The following SNX14 variants were observed in gnomAD, a reference collection of about 807,000 sequenced individuals.
SNX14 encodes the protein sorting nexin-14.
In SNX14, 93 loss-of-function variants were observed where a neutral mutation model predicts 133.8. The observed-to-expected ratio is 0.70, with a 90% confidence interval of 0.59 to 0.83. The LOEUF is 0.83. SNX14 is among the 40% of genes least tolerant of loss of function. The probability of loss-of-function intolerance (pLI) is 0.00; values close to 1 mark genes in which losing one functional copy is unlikely to be tolerated. For missense variants in SNX14, 945 were observed against 1,094.9 expected, an observed-to-expected ratio of 0.86 and a Z score of 1.93; for synonymous variants, 368 against 365.6, an observed-to-expected ratio of 1.01 and a Z score of -0.07.
In SNX14 at chr6:85,558,011, T is replaced by C. The variant is rs2128135958; in HGVS notation, c.599A>G (p.Lys200Arg). The change falls in exon 7 of 29, where the codon AAG (lysine) becomes AGG (arginine). Residue 200 changes from lysine (K) to arginine (R), a missense_variant. Lys to Arg is a conservative substitution (Grantham distance 26). Transcript: ENST00000314673. ...ITKKLLKAAM[K>R]HIEVIVKARQ... ...GGCTTTAACTATCACTTCTATATGC[T>C]TCATTGCTGCTTTTAATAGTTTCTT... 2 of 1,595,932 alleles carry C rather than the reference T, an allele frequency of 1.3e-6. No individual in the cohort carries two copies. Among genetic ancestry groups the C allele is most frequent in the Non-Finnish European group, 1.7e-6 (2 of 1,166,122 alleles).
In SNX14 at chr6:85,548,374, G is replaced by A. The variant is rs756546175; in HGVS notation, c.794C>T (p.Ser265Phe). The A allele has an allele frequency of 6.3e-7, 1 of 1,584,792 alleles. No individual in the cohort carries two copies. The highest frequency in any genetic ancestry group is 1.2e-5 in the South Asian group (1 of 85,542). Residue 265 changes from serine (S) to phenylalanine (F), a missense_variant and splice_region_variant, in exon 9 of 29, where the codon TCT becomes TTT. Transcript: ENST00000314673. ...ILPPKATDCR[S>F]LTLLIREILS... is the part of the protein sequence containing the mutation. ...AATCTCTCTTATAAGTAAGGTCAGA[G>A]ATCTGGAAAAAGAAATAATAATAAT...
intron 26 of SNX14, among the ~76,000 whole-genome samples, chr6:85,512,244 C>T (rs561402652): frequency 1.3e-5 from 2 of 152,240 alleles, no homozygotes; most frequent in African/African-American, 4.8e-5. Context: ...CCCTTCTGGC[C>T]CCCTTGCCAG....
chr6:85,525,247 A>T (rs896525168), intron 21 of SNX14, among the ~76,000 whole-genome samples: 13 of 152,156 alleles, frequency 8.5e-5, no homozygotes, highest in Non-Finnish European at 1.3e-4. Flanking sequence ...TTAATATTTT[A>T]AAAAATAGAC....
chr6:85,536,846 TG>T lies in SNX14; in HGVS notation c.1553del (p.Thr518LysfsTer12). 6.2e-7 allele frequency: 1 copy of T among 1,613,512 alleles called. No individual in the cohort carries two copies. Among genetic ancestry groups the T allele is most frequent in the East Asian group, 2.2e-5 (1 of 44,744 alleles). The part of the protein sequence containing the change: ...SKIKGVFKST[T>X]MEGAMLPNYG... The stretch of plus-strand genomic sequence containing the variant: ...AATTAGGCAACATAGCTCCCTCCAT[TG>T]TGGTACTTTTGAATACTCCTTTAAT... On this transcript the variant is annotated frameshift_variant, in exon 17 of 29. Transcript: ENST00000314673. LOFTEE classifies it high-confidence loss of function.
chr6:85,579,292 T>G (rs1798319978), intron 1 of SNX14, among the ~76,000 whole-genome samples: 1 of 151,848 alleles, frequency 6.6e-6, no homozygotes, highest in Non-Finnish European at 1.5e-5. Flanking sequence ...ATAACTGAAA[T>G]GACAGCCAAG....
In SNX14 at chr6:85,587,658, C is replaced by T. The variant is rs931920320; in HGVS notation, c.140+5921G>A. Among the ~76,000 whole-genome samples the T allele has an allele frequency of 2.0e-5, 3 of 151,610 alleles. No homozygotes were observed. In the East Asian group the frequency reaches 5.9e-4, roughly 30 times the overall value. ...CTACTTGTTTGGAGAGACGGGGTTCCGCCATGTTGCCCAGGCTGGTCTCGA... is the reference window on the plus strand; with the variant it reads ...CTACTTGTTTGGAGAGACGGGGTTCTGCCATGTTGCCCAGGCTGGTCTCGA... On this transcript the variant is annotated intron_variant, in intron 1 of 28. Coordinates refer to ENST00000314673, the MANE Select transcript of SNX14 (RefSeq NM_153816.6).
intron 21 of SNX14, among the ~76,000 whole-genome samples, chr6:85,519,633 G>A (rs903953703): frequency 2.0e-5 from 3 of 152,214 alleles, no homozygotes; most frequent in Non-Finnish European, 4.4e-5. Flanking sequence ...CACTTTGGGA[G>A]GCCGAGGCGG....
intron 1 of SNX14, among the ~76,000 whole-genome samples, chr6:85,576,198 G>C (rs551609750): frequency 3.9e-5 from 6 of 151,968 alleles, no homozygotes; most frequent in African/African-American, 1.5e-4. Flanking sequence ...GGGACTGCCC[G>C]TATTATCTTA....
chr6:85,542,728 T>C (rs1238039711), intron 14 of SNX14, among the ~76,000 whole-genome samples: 1 of 152,016 alleles, frequency 6.6e-6, no homozygotes, highest in Non-Finnish European at 1.5e-5. Context: ...CTTAATTACA[T>C]AGCGAAAAAG....
intron 28 of SNX14, among the ~76,000 whole-genome samples, chr6:85,506,946 T>G (rs979559488): frequency 2.0e-5 from 3 of 152,164 alleles, no homozygotes; most frequent in African/African-American, 7.2e-5. Context: ...CCTATTCTAG[T>G]GCTAGGACTT....
At chr6:85,574,145 AAG>A in intron 2 of SNX14, 111 bp downstream of exon 2, 1 of 897,256 alleles carries the variant, frequency 1.1e-6, no homozygotes. Flanking sequence ...AAGAAATTGA[AAG>A]AAAACAAATT....
intron 26 of SNX14, among the ~76,000 whole-genome samples, chr6:85,511,390 A>G (rs150416477): frequency 1.3e-5 from 2 of 152,260 alleles, no homozygotes; most frequent in African/African-American, 4.8e-5. Flanking sequence ...CTTCCCAATC[A>G]CTATGCTCTT....
chr6:85,539,935 TTTTTATTTTATTTTATTTTA>T (rs147235178), intron 15 of SNX14, among the ~76,000 whole-genome samples: 1 of 136,528 alleles, frequency 7.3e-6, no homozygotes, highest in African/African-American at 2.7e-5. Flanking sequence ...CGAAGCAAGC[TTTTTATTTTATTTTATTTTA>T]TTTTATTTTA....
At chr6:85,589,572 G>A (rs1245674761) in intron 1 of SNX14, 1 of 152,220 alleles carries the variant, frequency 6.6e-6, no homozygotes, top group Non-Finnish European at 1.5e-5. Flanking sequence ...TGGTTCCAAA[G>A]CACTCATCTT....
chr6:85,548,387 A>AAAT lies in SNX14; in HGVS notation c.792-14_792-12dup. ...AGTAAGGTCAGAGATCTGGAAAAAG[A>AAAT]AATAATAATAATTGTTTATATTTAG... On this transcript the variant is annotated splice_polypyrimidine_tract_variant and intron_variant, in intron 8 of 28. Transcript: ENST00000314673. 6.4e-7 allele frequency: 1 copy of AAAT among 1,554,806 alleles called. No individual in the cohort carries two copies. The highest frequency in any genetic ancestry group is 8.7e-7 in the Non-Finnish European group (1 of 1,143,326).
At chr6:85,586,732 C>T (rs1800979850) in intron 1 of SNX14, among the ~76,000 whole-genome samples, 1 of 151,508 alleles carries the variant, frequency 6.6e-6, no homozygotes, top group South Asian at 2.1e-4. Flanking sequence ...AGGCTCGCTA[C>T]TTTTTTTTCT....
chr6:85,556,244 G>A lies in SNX14; in HGVS notation c.634+1732C>T, dbSNP rs143199042. ...TCCTATACGTTCTTCTGACAGTAAAGTAGCCTTTACAACACAACAATTAAG... is the reference window on the plus strand; with the variant it reads ...TCCTATACGTTCTTCTGACAGTAAAATAGCCTTTACAACACAACAATTAAG... On this transcript the variant is annotated intron_variant, in intron 7 of 28. Transcript: ENST00000314673. Among the ~76,000 whole-genome samples the A allele has an allele frequency of 8.5e-4, 129 of 151,994 alleles. 1 individual carries two copies. The highest frequency in any genetic ancestry group is 3.0e-3 in the African/African-American group (123 of 41,462).
At chr6:85,567,626 G>T in intron 4 of SNX14, 49 bp from the exon 5 acceptor site, 1 of 1,268,988 alleles carries the variant, frequency 7.9e-7, no homozygotes, top group Non-Finnish European at 1.1e-6. Flanking sequence ...ATTAGTTTTT[G>T]GAAAATAAAT....
intron 1 of SNX14, among the ~76,000 whole-genome samples, chr6:85,579,537 C>T (rs1033323387): frequency 1.3e-5 from 2 of 152,134 alleles, no homozygotes; most frequent in East Asian, 3.9e-4. Flanking sequence ...TCTGAAATTG[C>T]CAATACCCTT....
Sources: allele counts gnomAD v4.1 joint callset (sites outside exome capture counted in the v4.1 genomes callset), GRCh38; gene constraint gnomAD v4.1.1; transcripts MANE v1.5; gene names NCBI Gene and HGNC (gene_info 2026-07-23, HGNC 2026-07-21).